The following KCNH7 variants were observed in gnomAD, a reference collection of about 807,000 sequenced individuals.
KCNH7 encodes voltage-gated inwardly rectifying potassium channel KCNH7.
Under a neutral mutation model 120.8 loss-of-function variants are expected in KCNH7, and 49 were observed. The observed-to-expected ratio is 0.41, with a 90% CI of 0.32 to 0.51. The LOEUF is 0.51. KCNH7 is among the 20% of genes least tolerant of loss of function. KCNH7 has a pLI of 0.38. For synonymous variants in KCNH7, 547 were observed against 516.1 expected, an observed-to-expected ratio of 1.06 and a Z score of -0.81; for missense variants, 1,097 against 1,446.6, an observed-to-expected ratio of 0.76 and a Z score of 3.92.
intron 2 of KCNH7, among the ~76,000 whole-genome samples, chr2:162,559,778 G>C (rs1692997976): frequency 6.6e-6 from 1 of 152,174 alleles, no homozygotes; most frequent in African/African-American, 2.4e-5. Flanking sequence ...CTATATACCT[G>C]AGCTATAGTT....
chr2:162,647,258 C>T (rs1318657315), intron 2 of KCNH7, among the ~76,000 whole-genome samples: 1 of 152,090 alleles, frequency 6.6e-6, no homozygotes, highest in Non-Finnish European at 1.5e-5. Flanking sequence ...TCAACCAGGG[C>T]TCTGACGTGT....
At chr2:162,785,748 TTTG>T (rs1683677339) in intron 2 of KCNH7, among the ~76,000 whole-genome samples, 1 of 152,174 alleles carries the variant, frequency 6.6e-6, no homozygotes. Flanking sequence ...TTGTTTTGTT[TTTG>T]TTGTTGTTGC....
intron 2 of KCNH7, among the ~76,000 whole-genome samples, chr2:162,698,029 G>A (rs977851785): frequency 7.2e-5 from 11 of 152,020 alleles, no homozygotes; most frequent in Admixed American, 2.6e-4. Flanking sequence ...GTTTCAGAGC[G>A]CATACAAATT....
Position 162,691,655 on chromosome 2 carries a change from A to C in KCNH7, c.307+144882T>G, listed in dbSNP as rs578164046. Reference sequence around the variant, plus strand: ...TGAAAATAACAGGCTAAGAGGTTATATTTTCCACATGTATATGAGGCATAA... The same window carrying C: ...TGAAAATAACAGGCTAAGAGGTTATCTTTTCCACATGTATATGAGGCATAA... On this transcript the variant is annotated intron_variant, in intron 2 of 15. Coordinates refer to ENST00000332142, the MANE Select transcript of KCNH7 (RefSeq NM_033272.4). Among the ~76,000 whole-genome samples, 10 of 152,238 alleles carry C rather than the reference A, an allele frequency of 6.6e-5. No individual in the cohort carries two copies. In the East Asian group the frequency reaches 1.9e-3, roughly 29 times the overall value.
At chr2:162,673,602 G>A (rs1685434575) in intron 2 of KCNH7, among the ~76,000 whole-genome samples, 1 of 152,034 alleles carries the variant, frequency 6.6e-6, no homozygotes, top group African/African-American at 2.4e-5. Context: ...TCTGCCATGG[G>A]AATACAATGT....
chr2:162,825,984 G>T (rs12465289), intron 2 of KCNH7, among the ~76,000 whole-genome samples: 91,138 of 151,666 alleles, frequency 0.6, 28,367 homozygotes, highest in South Asian at 0.84. Flanking sequence ...ATTTTCTAAT[G>T]TTTCAACAGT....
At chr2:162,467,401 G>A (rs981779324) in intron 6 of KCNH7, among the ~76,000 whole-genome samples, 4 of 152,258 alleles carry the variant, frequency 2.6e-5, no homozygotes, top group Admixed American at 1.3e-4. Context: ...GGCCTTGCAC[G>A]GCCTCACAGA....
intron 2 of KCNH7, among the ~76,000 whole-genome samples, chr2:162,542,870 G>A (rs1455028190): frequency 6.6e-6 from 1 of 152,072 alleles, no homozygotes; most frequent in East Asian, 1.9e-4. Flanking sequence ...CCCACTAACA[G>A]TGTAAAATTG....
At chr2:162,497,439 C>A (rs1182504476) in intron 6 of KCNH7, among the ~76,000 whole-genome samples, 4 of 152,070 alleles carry the variant, frequency 2.6e-5, no homozygotes, top group Non-Finnish European at 4.4e-5. Flanking sequence ...TGGAAATGAA[C>A]CTCCATGGCA....
intron 2 of KCNH7, among the ~76,000 whole-genome samples, chr2:162,689,313 G>C (rs1056340038): frequency 3.3e-5 from 5 of 151,938 alleles, no homozygotes; most frequent in Admixed American, 6.6e-5. Flanking sequence ...ACCATGCCTG[G>C]CTGATTTTTT....
In KCNH7 at chr2:162,390,253, TAC is replaced by T. The variant is rs112123580; in HGVS notation, c.2710+4134_2710+4135del. 7.5e-3 allele frequency among the ~76,000 whole-genome samples: 1,116 copies of T among 149,326 alleles called. 14 individuals are homozygous for T. The highest frequency in any genetic ancestry group is 0.023 in the African/African-American group (951 of 40,802). On this transcript the variant is annotated intron_variant, in intron 12 of 15. Transcript: ENST00000332142. ...AGTGTATAATCGCATTATATATATA[TAC>T]ACACACACACACACATATTTATATA...
intron 2 of KCNH7, among the ~76,000 whole-genome samples, chr2:162,603,254 G>T (rs192790052): frequency 1.3e-5 from 2 of 151,844 alleles, no homozygotes; most frequent in Non-Finnish European, 2.9e-5. Flanking sequence ...TATATAGATT[G>T]CAAGAAGATA....
chr2:162,637,924 G>T lies in KCNH7; in HGVS notation c.308-100844C>A, dbSNP rs184139969. ...CTTTTGATAGTATCATGTGAGAAAT[G>T]ACATTTTAATTCAAAGGGGTTACCA... On this transcript the variant is annotated intron_variant, in intron 2 of 15. Transcript: ENST00000332142. Among the ~76,000 whole-genome samples the T allele has an allele frequency of 3.0e-3, 462 of 152,162 alleles. 1 individual carries two copies. The highest frequency in any genetic ancestry group is 0.011 in the African/African-American group (440 of 41,536).
chr2:162,651,657 T>C (rs1684569540), intron 2 of KCNH7, among the ~76,000 whole-genome samples: 1 of 152,202 alleles, frequency 6.6e-6, no homozygotes, highest in African/African-American at 2.4e-5. Flanking sequence ...AGTGCTGCAA[T>C]GAACATTTGT....
At chr2:162,838,418 G>A in intron 1 of KCNH7, 25 bp downstream of exon 1, 2 of 1,593,536 alleles carry the variant, frequency 1.3e-6, no homozygotes, top group Non-Finnish European at 1.7e-6. Context: ...AAGCGAGGGC[G>A]AGAGAAGAGA....
At chr2:162,759,776 G>C (rs769846868) in intron 2 of KCNH7, among the ~76,000 whole-genome samples, 1 of 151,900 alleles carries the variant, frequency 6.6e-6, no homozygotes, top group Non-Finnish European at 1.5e-5. Context: ...AAAAGCTTTT[G>C]GAATTTTTAA....
chr2:162,790,303 G>T (rs1190479339), intron 2 of KCNH7, among the ~76,000 whole-genome samples: 9 of 151,374 alleles, frequency 5.9e-5, no homozygotes, highest in African/African-American at 1.7e-4. Context: ...AATTAAAACA[G>T]AATAATAACT....
chr2:162,789,097 A>T (rs1287719815), intron 2 of KCNH7, among the ~76,000 whole-genome samples: 2 of 151,784 alleles, frequency 1.3e-5, no homozygotes, highest in Non-Finnish European at 2.9e-5. Flanking sequence ...AGACTGAGGG[A>T]GTTAATCACT....
At position 162,728,074 on chromosome 2, in the gene KCNH7, A is replaced by G. The variant is rs141082205; in HGVS notation, c.307+108463T>C. Among the ~76,000 whole-genome samples, 12 of 152,160 alleles carry G rather than the reference A, an allele frequency of 7.9e-5. No homozygotes were observed. The East Asian group carries it at 2.3e-3, about 29-fold the overall frequency. On this transcript the variant is annotated intron_variant, in intron 2 of 15. Transcript: ENST00000332142. ...GTGTCATATGATATGTGAATAATTA[A>G]TTTTATTTTAAAAACTCCTTTTTTT...
Sources: allele counts gnomAD v4.1 joint callset (sites outside exome capture counted in the v4.1 genomes callset), GRCh38; gene constraint gnomAD v4.1.1; transcripts MANE v1.5; gene names NCBI Gene and HGNC (gene_info 2026-07-23, HGNC 2026-07-21).